Variants in SLC25A13 observed in about 807,000 individuals in gnomAD.
SLC25A13 encodes the protein electrogenic aspartate/glutamate antiporter SLC25A13, mitochondrial.
Under a neutral mutation model 85.5 loss-of-function variants are expected in SLC25A13, and 70 were observed. The ratio of observed to expected loss-of-function variants is 0.82; its 90% CI spans 0.68 to 1.00. SLC25A13 has a LOEUF of 1.00. Among genes scored for constraint, SLC25A13 ranks in the 50% least tolerant of loss-of-function variants. The pLI, the probability that SLC25A13 is intolerant of heterozygous loss-of-function variation, is 0.00. For synonymous variants in SLC25A13, 259 were observed against 288.7 expected, an observed-to-expected ratio of 0.90 and a Z score of 1.04; for missense variants, 765 against 819.8, an observed-to-expected ratio of 0.93 and a Z score of 0.82.
At chr7:96,136,227 T>G (rs1792281633) in intron 14 of SLC25A13, among the ~76,000 whole-genome samples, 1 of 152,182 alleles carries the variant, frequency 6.6e-6, no homozygotes, top group Non-Finnish European at 1.5e-5. Context: ...AGGGTAGGCC[T>G]CACTTAACTT....
At chr7:96,177,756 C>T (rs1794279966) in intron 11 of SLC25A13, among the ~76,000 whole-genome samples, 1 of 152,276 alleles carries the variant, frequency 6.6e-6, no homozygotes, top group East Asian at 1.9e-4. Context: ...TTCATGGAAA[C>T]TGGAATCCAG....
chr7:96,121,666 A>T lies in SLC25A13; in HGVS notation c.1830T>A (p.Asp610Glu). The T allele has an allele frequency of 6.2e-7, 1 of 1,614,172 alleles. No individual in the cohort carries two copies. The highest frequency in any genetic ancestry group is 8.5e-7 in the Non-Finnish European group (1 of 1,180,032). The change falls in exon 17 of 18, where the codon GAT becomes GAA. Residue 610 changes from aspartate (D) to glutamate (E), a missense_variant. Coordinates refer to ENST00000265631, the MANE Select transcript of SLC25A13 (RefSeq NM_014251.3). ...YELLQRWFYI[D>E]FGGVKPMGSE... The stretch of plus-strand genomic sequence containing the variant: ...AGCATGATACTTACACTCCTCCAAA[A>T]TCAATGTAGAACCATCGCTGTAGCA...
At chr7:96,179,331 T>A (rs1054727891) in intron 11 of SLC25A13, among the ~76,000 whole-genome samples, 1 of 152,220 alleles carries the variant, frequency 6.6e-6, no homozygotes, top group Non-Finnish European at 1.5e-5. Context: ...TTATAAATTA[T>A]CATTTTTGAG....
intron 1 of SLC25A13, among the ~76,000 whole-genome samples, chr7:96,315,703 A>C (rs1800102858): frequency 6.6e-6 from 1 of 152,160 alleles, no homozygotes; most frequent in Non-Finnish European, 1.5e-5. Context: ...AAACAACTCA[A>C]ACCTTCTTTC....
In SLC25A13 at chr7:96,207,803, G is replaced by A. The variant is rs149895868; in HGVS notation, c.468+1035C>T. Among the ~76,000 whole-genome samples the A allele has an allele frequency of 4.2e-3, 642 of 152,194 alleles. 7 individuals are homozygous for A. The highest frequency in any genetic ancestry group is 0.014 in the African/African-American group (602 of 41,540). On this transcript the variant is annotated intron_variant, in intron 5 of 17. Coordinates refer to ENST00000265631, the MANE Select transcript of SLC25A13 (RefSeq NM_014251.3). ...ATATGATCATATGGGTGGGGGAAGGGGGTCACGAGAGAAGGGCAGCAGGGA... is the reference window on the plus strand; with the variant it reads ...ATATGATCATATGGGTGGGGGAAGGAGGTCACGAGAGAAGGGCAGCAGGGA...
intron 14 of SLC25A13, among the ~76,000 whole-genome samples, chr7:96,136,771 C>T (rs992478180): frequency 2.2e-4 from 33 of 152,212 alleles, no homozygotes; most frequent in South Asian, 8.3e-4. Flanking sequence ...TGTGTCGGGC[C>T]GGGCACCAGG....
chr7:96,288,587 C>A (rs558703404), intron 2 of SLC25A13, among the ~76,000 whole-genome samples: 110 of 152,278 alleles, frequency 7.2e-4, no homozygotes, highest in Admixed American at 1.3e-3. Context: ...TGCGCTTTTC[C>A]AACGGTCTTA....
chr7:96,231,970 G>A (rs928639300), intron 4 of SLC25A13, among the ~76,000 whole-genome samples: 1 of 152,126 alleles, frequency 6.6e-6, no homozygotes, highest in Non-Finnish European at 1.5e-5. Context: ...CTGCTGGTAG[G>A]AGTGTAAATG....
At chr7:96,180,530 T>C (rs1794381496) in intron 11 of SLC25A13, among the ~76,000 whole-genome samples, 1 of 152,228 alleles carries the variant, frequency 6.6e-6, no homozygotes, top group South Asian at 2.1e-4. Context: ...AGTTTGGCCA[T>C]GTTGGCCAGG....
chr7:96,291,972 AC>A (rs1799141338), intron 2 of SLC25A13, among the ~76,000 whole-genome samples: 2 of 152,180 alleles, frequency 1.3e-5, no homozygotes, highest in South Asian at 4.1e-4. Context: ...CAGAGACACA[AC>A]AAAAAAAGAG....
At chr7:96,225,639 T>C (rs1041947048) in intron 4 of SLC25A13, among the ~76,000 whole-genome samples, 1 of 151,620 alleles carries the variant, frequency 6.6e-6, no homozygotes, top group East Asian at 1.9e-4. Flanking sequence ...CAGCCTCCAC[T>C]GTTTGTGGCA....
intron 2 of SLC25A13, among the ~76,000 whole-genome samples, chr7:96,286,084 A>G (rs551312674): frequency 6.6e-6 from 1 of 152,040 alleles, no homozygotes; most frequent in Admixed American, 6.5e-5. Flanking sequence ...GGAGATCGAG[A>G]CCATCCTGGC....
intron 10 of SLC25A13, 34 bp downstream of exon 10, chr7:96,184,893 A>AAAAGTGAAAATTTTTC (rs763288993): frequency 7.4e-5 from 114 of 1,544,652 alleles, no homozygotes; most frequent in Admixed American, 2.5e-4. Flanking sequence ...TAGGAATAAC[A>AAAAGTGAAAATTTTTC]AAAGTGAAAA....
chr7:96,229,472 C>T (rs1054892007), intron 4 of SLC25A13, among the ~76,000 whole-genome samples: 3 of 152,102 alleles, frequency 2.0e-5, no homozygotes, highest in Non-Finnish European at 4.4e-5. Context: ...GCAGGCTGCC[C>T]GAACCAGCAG....
intron 11 of SLC25A13, among the ~76,000 whole-genome samples, chr7:96,179,313 G>C (rs1254822856): frequency 6.6e-6 from 1 of 152,194 alleles, no homozygotes; most frequent in African/African-American, 2.4e-5. Context: ...CTCAGCAACA[G>C]TAGCTGGTTA....
intron 13 of SLC25A13, among the ~76,000 whole-genome samples, chr7:96,154,596 C>T (rs74777739): frequency 0.036 from 5,543 of 152,112 alleles, 282 homozygotes; most frequent in African/African-American, 0.11. Flanking sequence ...TGCATCCGGC[C>T]GAGTATCTTA....
Position 96,306,716 on chromosome 7 carries a change from C to T in SLC25A13, c.16-9765G>A, listed in dbSNP as rs1042384328. ...GCCAAACGGTGAGCTTAGTCCCATC[C>T]ACTTCCATCTTCTCTTTTGTGCCCT... On this transcript the variant is annotated intron_variant, in intron 1 of 17. Transcript: ENST00000265631. 6.3e-6 allele frequency: 6 copies of T among 948,914 alleles called. No individual in the cohort carries two copies. The East Asian group carries it at 1.6e-4, about 25-fold the overall frequency. 58.8% of individuals were successfully genotyped at this position (948,914 alleles called of 1,614,324 possible).
At chr7:96,244,594 T>G (rs1487822829) in intron 3 of SLC25A13, among the ~76,000 whole-genome samples, 1 of 152,204 alleles carries the variant, frequency 6.6e-6, no homozygotes, top group Non-Finnish European at 1.5e-5. Context: ...TTTTCTCGGA[T>G]GCCTTTCATT....
chr7:96,239,828 C>T (rs993479096), intron 3 of SLC25A13, among the ~76,000 whole-genome samples: 19 of 152,140 alleles, frequency 1.2e-4, no homozygotes, highest in African/African-American at 4.3e-4. Context: ...CTGCTGTTCT[C>T]CTTCTGGAAG....
Sources: gnomAD v4.1 joint callset for allele counts (sites outside exome capture counted in the v4.1 genomes callset) on GRCh38, gnomAD v4.1.1 for gene constraint, MANE v1.5 for transcripts, NCBI Gene and HGNC (gene_info 2026-07-23, HGNC 2026-07-21) for gene names.